ALKBH3: variants seen among roughly 807,000 people sequenced by gnomAD.
ALKBH3 encodes the protein alkB homolog 3, alpha-ketoglutarate dependent dioxygenase.
In ALKBH3, 51 loss-of-function variants were observed where a neutral mutation model predicts 43.9. The ratio of observed to expected loss-of-function variants is 1.16; its 90% CI spans 0.93 to 1.47. The LOEUF (loss-of-function observed/expected upper bound fraction) is 1.47. Ranked by LOEUF, ALKBH3 falls within the 40% of genes most tolerant of loss-of-function variation. The pLI is 0.00. For synonymous variants in ALKBH3, 102 were observed against 115.2 expected, an observed-to-expected ratio of 0.89 and a Z score of 0.73; for missense variants, 361 against 351.9, an observed-to-expected ratio of 1.03 and a Z score of -0.21.
Position 43,916,040 on chromosome 11 carries a change from A to G in ALKBH3, c.670-2998A>G, listed in dbSNP as rs1178497402. On this transcript the variant is annotated intron_variant, in intron 8 of 9. Coordinates refer to ENST00000302708, the MANE Select transcript of ALKBH3 (RefSeq NM_139178.4). ...TTTATATTCTAGAAGGAAAACCTGT[A>G]TGATGATTTTAAAGCATTGATGATT... Among the ~76,000 whole-genome samples the G allele has an allele frequency of 2.0e-5, 3 of 152,364 alleles. No individual in the cohort carries two copies. The East Asian group carries it at 5.8e-4, about 29-fold the overall frequency.
intron 8 of ALKBH3, among the ~76,000 whole-genome samples, chr11:43,903,071 G>A (rs1272813726): frequency 6.6e-6 from 1 of 152,194 alleles, no homozygotes; most frequent in African/African-American, 2.4e-5. Context: ...TTGCATATAT[G>A]CCATTAAGTA....
chr11:43,913,573 C>T lies in ALKBH3; in HGVS notation c.670-5465C>T, dbSNP rs185852974. On this transcript the variant is annotated intron_variant, in intron 8 of 9. Coordinates refer to ENST00000302708, the MANE Select transcript of ALKBH3 (RefSeq NM_139178.4). ...GCAATTGTACGTGTATTTGATATTT[C>T]CCCACAGTTTCTACCTCTAGATTTA... Among the ~76,000 whole-genome samples the T allele has an allele frequency of 7.9e-5, 12 of 152,294 alleles. No individual in the cohort carries two copies. The East Asian group carries it at 2.3e-3, about 29-fold the overall frequency.
chr11:43,892,689 G>T, intron 7 of ALKBH3, among the ~76,000 whole-genome samples: 1 of 152,232 alleles, frequency 6.6e-6, no homozygotes. Flanking sequence ...TCATCCAGGG[G>T]ATAGAGTTAA....
At chr11:43,899,249 C>G in intron 7 of ALKBH3, 1 of 732,224 alleles carries the variant, frequency 1.4e-6, no homozygotes, top group Non-Finnish European at 2.6e-6. Context: ...GGTGGAATTG[C>G]CTCTGATCTG....
chr11:43,884,158 TG>T, intron 4 of ALKBH3, 141 bp downstream of exon 4: 1 of 1,013,176 alleles, frequency 9.9e-7, no homozygotes, highest in Non-Finnish European at 1.5e-6. Context: ...CCATCTCAAA[TG>T]TCTTTAAACT....
At chr11:43,914,395 C>T (rs942831487) in intron 8 of ALKBH3, among the ~76,000 whole-genome samples, 7 of 152,222 alleles carry the variant, frequency 4.6e-5, no homozygotes, top group Non-Finnish European at 1.0e-4. Context: ...GTGCCTGGCA[C>T]CTGAGCACAT....
intron 7 of ALKBH3, chr11:43,899,701 A>G (rs1389884632): frequency 1.2e-5 from 4 of 322,318 alleles, no homozygotes; most frequent in Non-Finnish European, 1.7e-5. Flanking sequence ...GATGGTAAAC[A>G]TAGTCATTTC....
intron 5 of ALKBH3, among the ~76,000 whole-genome samples, chr11:43,889,349 G>A (rs1286765757): frequency 6.6e-6 from 1 of 152,196 alleles, no homozygotes; most frequent in Non-Finnish European, 1.5e-5. Context: ...ACTCTTCACA[G>A]TGAATCTATG....
Position 43,889,825 on chromosome 11 carries a change from G to C in ALKBH3, c.367G>C (p.Glu123Gln). The C allele has an allele frequency of 1.2e-6, 2 of 1,611,346 alleles. No homozygotes were observed. Among genetic ancestry groups the C allele is most frequent in the Non-Finnish European group, 1.7e-6 (2 of 1,177,542 alleles). Residue 123 changes from glutamate to glutamine, a missense_variant, in exon 6 of 10, where the codon GAG (glutamate) becomes CAG (glutamine). Coordinates refer to ENST00000302708, the MANE Select transcript of ALKBH3 (RefSeq NM_139178.4). The stretch of plus-strand genomic sequence containing the variant: ...CTGGAAACAGAGGACTGGCATCAGA[G>C]AGGGTAAGTAGATCCCAGAGGTCAC... ...VPWKQRTGIR[E>Q]DITYQQPRLT... is the part of the protein sequence containing the mutation.
At chr11:43,899,106 G>A (rs1373781674) in intron 7 of ALKBH3, 3 of 764,580 alleles carry the variant, frequency 3.9e-6, no homozygotes, top group Non-Finnish European at 7.3e-6. Context: ...AGGGGACATT[G>A]TCTTTAACAT....
chr11:43,899,234 A>C, intron 7 of ALKBH3: 1 of 742,204 alleles, frequency 1.3e-6, no homozygotes, highest in Non-Finnish European at 2.5e-6. Flanking sequence ...CCGTGACTAC[A>C]GCATGGTGGA....
chr11:43,883,104 T>C lies in ALKBH3; in HGVS notation c.99T>C (p.His33=), dbSNP rs753463139. The C allele has an allele frequency of 1.2e-6, 2 of 1,614,030 alleles. No individual in the cohort carries two copies. Among genetic ancestry groups the C allele is most frequent in the South Asian group, 2.2e-5 (2 of 91,024 alleles). The change falls in exon 3 of 10, where the codon CAT becomes CAC. Residue 33 remains histidine (H), a synonymous_variant. Coordinates refer to ENST00000302708, the MANE Select transcript of ALKBH3 (RefSeq NM_139178.4). ...IAQPATTAKS[H]LHQKPGQTWK... Reference sequence around the variant, plus strand: ...CTTCAGCTACCACTGCTAAGAGCCATCTCCACCAGAAGCCTGGCCAGACCT... The same window carrying C: ...CTTCAGCTACCACTGCTAAGAGCCACCTCCACCAGAAGCCTGGCCAGACCT...
chr11:43,900,192 TG>T (rs1951851886), intron 7 of ALKBH3, among the ~76,000 whole-genome samples: 1 of 150,802 alleles, frequency 6.6e-6, no homozygotes, highest in Non-Finnish European at 1.5e-5. Context: ...GATTTGTGAT[TG>T]CATTTTTTTT....
intron 3 of ALKBH3, 87 bp from the exon 4 acceptor site, chr11:43,883,896 T>G: frequency 3.3e-6 from 5 of 1,520,926 alleles, no homozygotes; most frequent in Non-Finnish European, 4.5e-6. Context: ...TTAACTTTAT[T>G]TTGACCAGAA....
intron 4 of ALKBH3, among the ~76,000 whole-genome samples, chr11:43,885,590 C>A (rs1364964024): frequency 2.0e-5 from 3 of 152,174 alleles, no homozygotes; most frequent in African/African-American, 7.2e-5. Context: ...ATATACCTAT[C>A]CAGTCTGTGT....
intron 9 of ALKBH3, 39 bp downstream of exon 9, chr11:43,919,175 G>A (rs1473599989): frequency 6.5e-7 from 1 of 1,537,602 alleles, no homozygotes; most frequent in Non-Finnish European, 9.0e-7. Flanking sequence ...CTTTCATGTG[G>A]AGGCAGTTTC....
chr11:43,893,957 C>G lies in ALKBH3; in HGVS notation c.459+1828C>G, dbSNP rs182100553. ...TGTTGAACACCTGGGCTCAAGTGCTCCTCCTGCCTCAGCTTCCTTTAATAG... is the reference window on the plus strand; with the variant it reads ...TGTTGAACACCTGGGCTCAAGTGCTGCTCCTGCCTCAGCTTCCTTTAATAG... On this transcript the variant is annotated intron_variant, in intron 7 of 9. Transcript: ENST00000302708. Among the ~76,000 whole-genome samples, 10 of 152,242 alleles carry G rather than the reference C, an allele frequency of 6.6e-5. No individual in the cohort carries two copies. In the East Asian group the frequency reaches 1.4e-3, roughly 21 times the overall value.
At chr11:43,914,831 C>T (rs1251442735) in intron 8 of ALKBH3, among the ~76,000 whole-genome samples, 4 of 152,010 alleles carry the variant, frequency 2.6e-5, no homozygotes, top group Non-Finnish European at 5.9e-5. Context: ...TTAACACCCC[C>T]ATAGAACAAT....
At chr11:43,918,835 C>T (rs576173005) in intron 8 of ALKBH3, 7 of 529,830 alleles carry the variant, frequency 1.3e-5, no homozygotes, top group South Asian at 8.3e-5. Context: ...TGTCATCCTC[C>T]CCATTTTACA....
Sources: allele counts gnomAD v4.1 joint callset (sites outside exome capture counted in the v4.1 genomes callset), GRCh38; gene constraint gnomAD v4.1.1; transcripts MANE v1.5; gene names NCBI Gene and HGNC (gene_info 2026-07-23, HGNC 2026-07-21).